RBKS: variants seen among roughly 807,000 people sequenced by gnomAD.
RBKS encodes ribokinase.
A neutral mutation model predicts 33.9 loss-of-function variants in RBKS; 33 were observed. The observed-to-expected ratio is 0.97, with a 90% CI of 0.74 to 1.30. The LOEUF (loss-of-function observed/expected upper bound fraction) is 1.30. Ranked by LOEUF, RBKS falls within the 50% of genes most tolerant of loss-of-function variation. The pLI is 0.00. For missense variants in RBKS, 361 were observed against 392.6 expected (o/e 0.92, Z 0.68); for synonymous variants, 125 against 143.0 (o/e 0.87, Z 0.90).
At position 27,837,885 on chromosome 2, in the gene RBKS, G is replaced by A. The variant is rs561699450; in HGVS notation, c.515-5108C>T. On this transcript the variant is annotated intron_variant, in intron 5 of 7. Coordinates refer to ENST00000302188, the MANE Select transcript of RBKS (RefSeq NM_022128.3). The surrounding 1 kb of genome is among the most constrained non-coding windows in gnomAD (Gnocchi z 4.0). ...TGAGTACCGTGCTCCCTACCTGGGC[G>A]CAATACTCCCATGTAACAAATCTGC... Among the ~76,000 whole-genome samples, 2 of 152,204 alleles carry A rather than the reference G, an allele frequency of 1.3e-5. No individual in the cohort carries two copies. Among genetic ancestry groups the A allele is most frequent in the East Asian group, 1.9e-4 (1 of 5,180 alleles).
In RBKS at chr2:27,827,645, T is replaced by G; in HGVS notation, c.717A>C (p.Glu239Asp). 6.2e-7 allele frequency: 1 copy of G among 1,613,960 alleles called. No individual in the cohort carries two copies. Among genetic ancestry groups the G allele is most frequent in the Non-Finnish European group, 8.5e-7 (1 of 1,179,922 alleles). The change falls in exon 7 of 8, where the codon GAA becomes GAC. Residue 239 changes from glutamate (E) to aspartate (D), a missense_variant. Coordinates refer to ENST00000302188, the MANE Select transcript of RBKS (RefSeq NM_022128.3). ...CTGTCTGTGACAGCACCACACATCC[T>G]TCAGCCCCTAAGGTAATGATTACCA... Reference protein sequence around the residue: ...CQVVIITLGAEGCVVLSQTEP... With the variant: ...CQVVIITLGADGCVVLSQTEP...
chr2:27,825,075 T>C (rs1326171986), intron 7 of RBKS, among the ~76,000 whole-genome samples: 1 of 151,894 alleles, frequency 6.6e-6, no homozygotes, highest in Non-Finnish European at 1.5e-5. Context: ...AGGCAGAGGT[T>C]GCAGTGAGCC....
At chr2:27,846,068 G>A (rs1663614846) in intron 4 of RBKS, among the ~76,000 whole-genome samples, 1 of 151,964 alleles carries the variant, frequency 6.6e-6, no homozygotes, top group African/African-American at 2.4e-5. Context: ...GAGTTCAAGC[G>A]ATTCTCCTGC....
intron 1 of RBKS, among the ~76,000 whole-genome samples, chr2:27,885,708 CCTAA>C (rs1205674968): frequency 6.6e-6 from 1 of 152,170 alleles, no homozygotes; most frequent in Admixed American, 6.5e-5. Flanking sequence ...TTAGCTTTTA[CCTAA>C]CTTACTATGT....
chr2:27,807,712 G>A (rs779985529), intron 7 of RBKS, among the ~76,000 whole-genome samples: 1 of 152,116 alleles, frequency 6.6e-6, no homozygotes, highest in Non-Finnish European at 1.5e-5. Flanking sequence ...TGGAAGATGA[G>A]GGGGAAACTC....
chr2:27,788,098 G>A (rs546400306), intron 7 of RBKS, among the ~76,000 whole-genome samples: 4 of 152,204 alleles, frequency 2.6e-5, no homozygotes, highest in South Asian at 4.1e-4. Context: ...TCTTGATAAA[G>A]AGCATTTATG....
intron 7 of RBKS, among the ~76,000 whole-genome samples, chr2:27,815,688 T>C (rs1402127651): frequency 6.6e-6 from 1 of 152,100 alleles, no homozygotes. Context: ...ATCAATGTCT[T>C]AGAAGCTTAA....
intron 7 of RBKS, among the ~76,000 whole-genome samples, chr2:27,824,823 A>G (rs1057156086): frequency 3.3e-5 from 5 of 152,264 alleles, no homozygotes; most frequent in African/African-American, 9.6e-5. Flanking sequence ...CTGGCAATAC[A>G]CTTATACTGC....
chr2:27,847,950 T>C, intron 3 of RBKS, 84 bp downstream of exon 3: 1 of 771,244 alleles, frequency 1.3e-6, no homozygotes, highest in Non-Finnish European at 2.2e-6. Flanking sequence ...GGTCTAATAA[T>C]CCTCCTCTAG....
chr2:27,882,756 AACG>A (rs1410628497), intron 1 of RBKS, among the ~76,000 whole-genome samples: 1 of 152,246 alleles, frequency 6.6e-6, no homozygotes, highest in Non-Finnish European at 1.5e-5. Flanking sequence ...TGTTAAAAAG[AACG>A]ACATCATGTA....
chr2:27,821,179 A>C (rs1171183853), intron 7 of RBKS, among the ~76,000 whole-genome samples: 3 of 152,106 alleles, frequency 2.0e-5, no homozygotes, highest in Non-Finnish European at 4.4e-5. Context: ...AACATTCTCA[A>C]ATTTTAATTT....
At chr2:27,787,885 A>T (rs1014963891) in intron 7 of RBKS, among the ~76,000 whole-genome samples, 8 of 151,774 alleles carry the variant, frequency 5.3e-5, no homozygotes, top group Non-Finnish European at 8.8e-5. Context: ...TATATATATA[A>T]AATATCTGAT....
chr2:27,786,807 T>C (rs1301403358), intron 7 of RBKS, among the ~76,000 whole-genome samples: 1 of 147,472 alleles, frequency 6.8e-6, no homozygotes, highest in Non-Finnish European at 1.5e-5. Flanking sequence ...AAAGAAAGTT[T>C]AAAAAATATT....
chr2:27,838,137 C>T (rs568165127), intron 5 of RBKS, among the ~76,000 whole-genome samples: 1 of 152,046 alleles, frequency 6.6e-6, no homozygotes, highest in African/African-American at 2.4e-5. Flanking sequence ...GAGGTGGAGG[C>T]TGCAGTGAGC....
At chr2:27,793,723 TA>T (rs1407794808) in intron 7 of RBKS, among the ~76,000 whole-genome samples, 2 of 152,342 alleles carry the variant, frequency 1.3e-5, no homozygotes, top group East Asian at 3.9e-4. Flanking sequence ...GGACTGTACA[TA>T]TAAGATTATC....
intron 1 of RBKS, among the ~76,000 whole-genome samples, chr2:27,886,410 A>G (rs1664528807): frequency 1.3e-5 from 2 of 152,264 alleles, no homozygotes; most frequent in Admixed American, 6.5e-5. Context: ...AATAAGGCAC[A>G]GTAATAAAGA....
At chr2:27,842,285 G>T (rs1293110286) in intron 5 of RBKS, among the ~76,000 whole-genome samples, 1 of 152,202 alleles carries the variant, frequency 6.6e-6, no homozygotes, top group Non-Finnish European at 1.5e-5. Context: ...GATGAATCAA[G>T]ATTAGCTACA....
intron 1 of RBKS, among the ~76,000 whole-genome samples, chr2:27,887,264 G>T (rs1002953738): frequency 1.3e-5 from 2 of 152,094 alleles, no homozygotes; most frequent in Non-Finnish European, 2.9e-5. Context: ...CCAAGGATGT[G>T]GGCAGCCTCT....
rs1161206494 is a variant in RBKS at position 27,783,975 on chromosome 2, C to CTTTTTTT, written c.796-2194_796-2188dup. Among the ~76,000 whole-genome samples, 7 of 55,312 alleles carry CTTTTTTT rather than the reference C, an allele frequency of 1.3e-4. 2 individuals carry two copies. Among genetic ancestry groups the CTTTTTTT allele is most frequent in the African/African-American group, 2.5e-4 (4 of 16,134 alleles). 36.3% of individuals were successfully genotyped at this position (55,312 alleles called of 152,430 possible). A position where few individuals can be genotyped will look rare whatever the true frequency, so the allele number is the denominator to read the frequency against. On this transcript the variant is annotated intron_variant, in intron 7 of 7. Coordinates refer to ENST00000302188, the MANE Select transcript of RBKS (RefSeq NM_022128.3). Reference sequence around the variant, plus strand: ...ATTCAACAGCTCTCAGGGTCATTTTCTTTTTTTTTTTTTTTTTTTTTTTTT... The same window carrying CTTTTTTT: ...ATTCAACAGCTCTCAGGGTCATTTTCTTTTTTTTTTTTTTTTTTTTTTTTTTTTTTTT...
Sources: gnomAD v4.1 joint callset for allele counts (sites outside exome capture counted in the v4.1 genomes callset) on GRCh38, gnomAD v4.1.1 for gene constraint, Gnocchi (gnomAD v3.1) non-coding constraint, MANE v1.5 for transcripts, NCBI Gene and HGNC (gene_info 2026-07-23, HGNC 2026-07-21) for gene names.